PPP2R5A: variants seen among roughly 807,000 people sequenced by gnomAD.
PPP2R5A encodes protein phosphatase 2 regulatory subunit B'alpha.
PPP2R5A carries 25 observed loss-of-function variants against 64.2 expected under a neutral mutation model. The observed-to-expected ratio is 0.39, with a 90% CI of 0.28 to 0.54. The LOEUF (loss-of-function observed/expected upper bound fraction) is 0.54. PPP2R5A is among the 20% of genes least tolerant of loss of function. The pLI is 0.67. For synonymous variants in PPP2R5A, 198 were observed against 201.2 expected (o/e 0.98, Z 0.13); for missense variants, 425 against 576.3 (o/e 0.74, Z 2.69).
At chr1:212,342,702 T>C (rs1280337364) in intron 4 of PPP2R5A, among the ~76,000 whole-genome samples, 1 of 152,194 alleles carries the variant, frequency 6.6e-6, no homozygotes, top group Non-Finnish European at 1.5e-5. Flanking sequence ...TGTGAGGAAT[T>C]TGGGCTTTAG....
At chr1:212,340,017 G>T (rs11119921) in intron 3 of PPP2R5A, among the ~76,000 whole-genome samples, 4,021 of 41,926 alleles carry the variant, frequency 0.096, 194 homozygotes, top group East Asian at 0.3. Context: ...AAAAAAAAAA[G>T]CCAGGCATGG....
At chr1:212,351,028 C>CA (rs1207502845) in intron 8 of PPP2R5A, among the ~76,000 whole-genome samples, 1 of 149,356 alleles carries the variant, frequency 6.7e-6, no homozygotes, top group Non-Finnish European at 1.5e-5. Flanking sequence ...CCTGTAATCT[C>CA]AGCTACTAGG....
intron 1 of PPP2R5A, among the ~76,000 whole-genome samples, chr1:212,323,008 G>C (rs192075220): frequency 1.1e-3 from 168 of 152,172 alleles, no homozygotes; most frequent in African/African-American, 3.9e-3. Context: ...GGATGGTCTC[G>C]ATCTCCTGAC....
intron 1 of PPP2R5A, chr1:212,309,114 C>A: frequency 1.0e-6 from 1 of 976,726 alleles, no homozygotes; most frequent in African/African-American, 1.6e-5. Context: ...AAACATATGC[C>A]TTCTTCTCTC....
intron 1 of PPP2R5A, among the ~76,000 whole-genome samples, chr1:212,322,560 C>T (rs1341065638): frequency 6.6e-6 from 1 of 152,012 alleles, no homozygotes; most frequent in African/African-American, 2.4e-5. Context: ...AAAAATGTTG[C>T]ATGTCTTGAA....
intron 8 of PPP2R5A, among the ~76,000 whole-genome samples, chr1:212,349,843 C>T (rs550479788): frequency 2.0e-5 from 3 of 152,192 alleles, no homozygotes; most frequent in East Asian, 1.9e-4. Flanking sequence ...TGAAAATTTA[C>T]TGAGGATTCA....
chr1:212,350,165 A>G (rs1659850865), intron 8 of PPP2R5A, among the ~76,000 whole-genome samples: 1 of 152,198 alleles, frequency 6.6e-6, no homozygotes, highest in Non-Finnish European at 1.5e-5. Flanking sequence ...GCTTGAAAAA[A>G]TCATATACTT....
chr1:212,353,036 C>T, intron 8 of PPP2R5A: 1 of 482,458 alleles, frequency 2.1e-6, no homozygotes, highest in East Asian at 5.6e-5. Context: ...GCCCTCTGCT[C>T]AGGGTCTCTT....
chr1:212,329,428 T>G, intron 2 of PPP2R5A, 97 bp downstream of exon 2: 1 of 1,061,478 alleles, frequency 9.4e-7, no homozygotes, highest in East Asian at 2.8e-5. Flanking sequence ...GTACAATAAT[T>G]AATACATCCC....
chr1:212,304,842 C>T (rs1382041105), intron 1 of PPP2R5A, among the ~76,000 whole-genome samples: 3 of 149,958 alleles, frequency 2.0e-5, no homozygotes, highest in Admixed American at 1.3e-4. Context: ...AAGCGATTCT[C>T]CTGCCCCAGC....
chr1:212,320,897 C>T (rs1161528620), intron 1 of PPP2R5A, among the ~76,000 whole-genome samples: 591 of 123,834 alleles, frequency 4.8e-3, no homozygotes, highest in African/African-American at 0.017. Context: ...CAGGTAGAGG[C>T]GCCCCTCACC....
At chr1:212,341,072 T>A (rs1202476844) in intron 3 of PPP2R5A, among the ~76,000 whole-genome samples, 2 of 152,182 alleles carry the variant, frequency 1.3e-5, no homozygotes, top group Admixed American at 6.5e-5. Flanking sequence ...TTGGGCTAAG[T>A]TTCTGCTTTT....
chr1:212,295,526 G>A (rs1658677679), intron 1 of PPP2R5A, among the ~76,000 whole-genome samples: 1 of 152,202 alleles, frequency 6.6e-6, no homozygotes, highest in African/African-American at 2.4e-5. Context: ...AGCAATGGAA[G>A]TAGAAGCAAC....
intron 8 of PPP2R5A, 118 bp from the exon 9 acceptor site, chr1:212,356,508 T>C (rs369846158): frequency 1.1e-6 from 1 of 898,126 alleles, no homozygotes; most frequent in Non-Finnish European, 1.7e-6. Context: ...TATACACATA[T>C]ATTAAGCAAT....
intron 8 of PPP2R5A, among the ~76,000 whole-genome samples, chr1:212,352,491 C>T (rs754904462): frequency 6.6e-6 from 1 of 151,842 alleles, no homozygotes; most frequent in African/African-American, 2.4e-5. Flanking sequence ...ACCACATCAC[C>T]CAGGATGGAG....
At position 212,354,090 on chromosome 1, in the gene PPP2R5A, A is replaced by G. The variant is rs541803867; in HGVS notation, c.928-2536A>G. On this transcript the variant is annotated intron_variant, in intron 8 of 12. Coordinates refer to ENST00000261461, the MANE Select transcript of PPP2R5A (RefSeq NM_006243.4). The stretch of plus-strand genomic sequence containing the variant: ...TCCCAGCTACTCAGGAGGCTGAGGC[A>G]GGAGAATAGCATGAACCCGGGAGGC... 2.6e-5 allele frequency among the ~76,000 whole-genome samples: 4 copies of G among 152,328 alleles called. No individual in the cohort carries two copies. In the East Asian group the frequency reaches 7.7e-4, roughly 29 times the overall value.
At chr1:212,290,328 ACTC>A (rs1658577673) in intron 1 of PPP2R5A, among the ~76,000 whole-genome samples, 1 of 152,142 alleles carries the variant, frequency 6.6e-6, no homozygotes, top group African/African-American at 2.4e-5. Context: ...AAACCGTACT[ACTC>A]ACTCAACTTT....
Position 212,286,001 on chromosome 1 carries a change from C to A in PPP2R5A, c.-110C>A, listed in dbSNP as rs912221168. 2.8e-5 allele frequency: 33 copies of A among 1,181,234 alleles called. No individual in the cohort carries two copies. In the South Asian group the frequency reaches 3.4e-4, roughly 12 times the overall value. 73.2% of individuals were successfully genotyped at this position (1,181,234 alleles called of 1,614,324 possible). A position where few individuals can be genotyped will look rare whatever the true frequency, so the allele number is the denominator to read the frequency against. ...GGGCCGGAGGGCCGTGGGGCCGGGGCGCAGGGGCGCGAGCACCCCGCGCCT... is the reference window on the plus strand; with the variant it reads ...GGGCCGGAGGGCCGTGGGGCCGGGGAGCAGGGGCGCGAGCACCCCGCGCCT... On this transcript the variant is annotated 5_prime_UTR_variant, in exon 1 of 13. Transcript: ENST00000261461.
intron 5 of PPP2R5A, among the ~76,000 whole-genome samples, chr1:212,346,799 A>C (rs189409521): frequency 1.5e-4 from 23 of 152,274 alleles, no homozygotes; most frequent in African/African-American, 5.5e-4. Flanking sequence ...GAGATGAGTA[A>C]TATCTGCCTC....
Sources: gnomAD v4.1 joint callset for allele counts (sites outside exome capture counted in the v4.1 genomes callset) on GRCh38, gnomAD v4.1.1 for gene constraint, MANE v1.5 for transcripts, NCBI Gene and HGNC (gene_info 2026-07-23, HGNC 2026-07-21) for gene names.